Variants in BMPR1B observed in about 807,000 individuals in gnomAD.
The protein encoded by BMPR1B is bone morphogenetic protein receptor type 1B, also known as bone morphogenetic protein receptor type-1B.
BMPR1B carries 12 observed loss-of-function variants against 59.1 expected under a neutral mutation model. The ratio of observed to expected loss-of-function variants is 0.20; its 90% CI spans 0.13 to 0.33. BMPR1B has a LOEUF of 0.33. Among genes scored for constraint, BMPR1B ranks in the 10% least tolerant of loss-of-function variants. The pLI, the probability that BMPR1B is intolerant of heterozygous loss-of-function variation, is 1.00. For missense variants in BMPR1B, 550 were observed against 610.9 expected (o/e 0.90, Z 1.05); for synonymous variants, 237 against 207.3 (o/e 1.14, Z -1.23).
chr4:94,884,841 G>A (rs1175805816), intron 2 of BMPR1B, among the ~76,000 whole-genome samples: 3 of 152,206 alleles, frequency 2.0e-5, no homozygotes, highest in Non-Finnish European at 2.9e-5. Context: ...GCTCTTGAAT[G>A]TGGGCTGGTC....
chr4:94,830,466 G>A lies in BMPR1B; in HGVS notation c.-182-45365G>A, dbSNP rs76771007. ...TTGAATCACTGGTTTTCGTTAAGTG[G>A]CATCATAGATGAGATTTGATTCCAT... On this transcript the variant is annotated intron_variant, in intron 1 of 12. Transcript: ENST00000515059. Among the ~76,000 whole-genome samples, 369 of 152,130 alleles carry A rather than the reference G, an allele frequency of 2.4e-3. 5 individuals are homozygous for A. Among genetic ancestry groups the A allele is most frequent in the East Asian group, 0.019 (97 of 5,178 alleles).
At chr4:94,788,371 AT>A (rs1235730795) in intron 1 of BMPR1B, among the ~76,000 whole-genome samples, 1 of 152,040 alleles carries the variant, frequency 6.6e-6, no homozygotes, top group East Asian at 1.9e-4. Flanking sequence ...GGCCCAGGGG[AT>A]TCCCTGGGCT....
chr4:94,832,432 T>C (rs1033552175), intron 1 of BMPR1B, among the ~76,000 whole-genome samples: 8 of 152,204 alleles, frequency 5.3e-5, no homozygotes, highest in Non-Finnish European at 1.2e-4. Context: ...GGAAAGTTTA[T>C]TTGTACCATG....
intron 1 of BMPR1B, among the ~76,000 whole-genome samples, chr4:94,854,552 T>A (rs186058423): frequency 1.3e-5 from 2 of 152,334 alleles, no homozygotes; most frequent in Admixed American, 1.3e-4. Flanking sequence ...GAATTCAGTA[T>A]GTATTTAAAA....
Position 94,869,095 on chromosome 4 carries a change from AACACACACACACACACACACAC to A in BMPR1B, c.-182-6709_-182-6688del, listed in dbSNP as rs59407857. Reference sequence around the variant, plus strand: ...TTGTTTGAATTAAATTTTACTATCAAACACACACACACACACACACACACACACACACACACACACACACACA... The same window carrying A: ...TTGTTTGAATTAAATTTTACTATCAAACACACACACACACACACACACACA... On this transcript the variant is annotated intron_variant, in intron 1 of 12. Coordinates refer to ENST00000515059, the MANE Select transcript of BMPR1B (RefSeq NM_001203.3). 9.8e-3 allele frequency among the ~76,000 whole-genome samples: 1,411 copies of A among 144,644 alleles called. 19 individuals carry two copies. Among genetic ancestry groups the A allele is most frequent in the African/African-American group, 0.033 (1,291 of 39,224 alleles). The allele number at this position is 144,644 out of a possible 152,430, so 94.9% of individuals were successfully genotyped here. A position where few individuals can be genotyped will look rare whatever the true frequency, so the allele number is the denominator to read the frequency against.
At chr4:94,787,833 A>T (rs759611106) in intron 1 of BMPR1B, among the ~76,000 whole-genome samples, 17 of 152,070 alleles carry the variant, frequency 1.1e-4, no homozygotes, top group South Asian at 2.1e-4. Flanking sequence ...ATTTCCTTTG[A>T]CCAAGGGACC....
intron 8 of BMPR1B, among the ~76,000 whole-genome samples, chr4:95,129,274 AG>A (rs936267032): frequency 6.6e-6 from 1 of 152,102 alleles, no homozygotes; most frequent in African/African-American, 2.4e-5. Context: ...CTGGTTTTAA[AG>A]GAGTCAGAGT....
At chr4:94,999,196 T>G (rs1560587584) in intron 3 of BMPR1B, among the ~76,000 whole-genome samples, 1 of 152,128 alleles carries the variant, frequency 6.6e-6, no homozygotes, top group Non-Finnish European at 1.5e-5. Context: ...ATTTAATTCT[T>G]TTATGCTTCC....
intron 2 of BMPR1B, among the ~76,000 whole-genome samples, chr4:94,908,990 C>T (rs1330403133): frequency 5.3e-5 from 8 of 152,028 alleles, no homozygotes; most frequent in Admixed American, 2.6e-4. Context: ...GCCATACTCC[C>T]TCTAAAAGTG....
chr4:94,803,273 TG>T (rs887897271), intron 1 of BMPR1B, among the ~76,000 whole-genome samples: 1 of 152,298 alleles, frequency 6.6e-6, no homozygotes, highest in Non-Finnish European at 1.5e-5. Context: ...AGAAGCTTCC[TG>T]GCAAGATTTT....
chr4:94,968,275 T>G (rs1353184651), intron 2 of BMPR1B, among the ~76,000 whole-genome samples: 1 of 152,198 alleles, frequency 6.6e-6, no homozygotes, highest in Admixed American at 6.5e-5. Context: ...TCACTCTTTA[T>G]GGCAAGATCT....
chr4:94,769,927 T>A (rs961140492), intron 1 of BMPR1B, among the ~76,000 whole-genome samples: 1 of 152,212 alleles, frequency 6.6e-6, no homozygotes. Context: ...TTAGCTTCTT[T>A]TCTTCACTTC....
chr4:94,835,805 T>G (rs971500733), intron 1 of BMPR1B, among the ~76,000 whole-genome samples: 1 of 151,894 alleles, frequency 6.6e-6, no homozygotes, highest in Non-Finnish European at 1.5e-5. Context: ...CATGTGCACA[T>G]TGTGCAGGTT....
At position 95,123,901 on chromosome 4, in the gene BMPR1B, C is replaced by T. The variant is rs1732715099; in HGVS notation, c.441C>T (p.Tyr147=). ...TGGTCCTTATCATATTATTTTGTTACTTCCGGTAAGTTTCTAACATGTAGA... is the reference window on the plus strand; with the variant it reads ...TGGTCCTTATCATATTATTTTGTTATTTCCGGTAAGTTTCTAACATGTAGA... The part of the protein sequence containing the change: ...LLLVLIILFC[Y]FRYKRQETRP... Residue 147 remains tyrosine (Y), a synonymous_variant, in exon 7 of 13, where the codon TAC becomes TAT. Transcript: ENST00000515059. 1 of 1,607,444 alleles carries T rather than the reference C, an allele frequency of 6.2e-7. No individual in the cohort carries two copies. Among genetic ancestry groups the T allele is most frequent in the Non-Finnish European group, 8.5e-7 (1 of 1,175,546 alleles).
chr4:94,856,362 T>C lies in BMPR1B; in HGVS notation c.-182-19469T>C, dbSNP rs147726015. ...TCCATATGTCTCTATTCTCTTCTTA[T>C]GTCTTTCTCCAGCCAGCTAGCAGCG... On this transcript the variant is annotated intron_variant, in intron 1 of 12. Coordinates refer to ENST00000515059, the MANE Select transcript of BMPR1B (RefSeq NM_001203.3). 4.3e-3 allele frequency among the ~76,000 whole-genome samples: 653 copies of C among 152,250 alleles called. 6 individuals carry two copies. The highest frequency in any genetic ancestry group is 0.015 in the African/African-American group (624 of 41,544).
chr4:94,908,234 G>T (rs1022037516), intron 2 of BMPR1B, among the ~76,000 whole-genome samples: 1 of 151,708 alleles, frequency 6.6e-6, no homozygotes, highest in Non-Finnish European at 1.5e-5. Context: ...TAGAAGGTTC[G>T]ATAGTATGTC....
At chr4:94,840,251 C>G (rs1725002647) in intron 1 of BMPR1B, among the ~76,000 whole-genome samples, 2 of 147,690 alleles carry the variant, frequency 1.4e-5, no homozygotes, top group Non-Finnish European at 1.5e-5. Context: ...TGGAGTTGCT[C>G]TTCTCGAGGA....
At chr4:94,961,229 C>T (rs1409886586) in intron 2 of BMPR1B, among the ~76,000 whole-genome samples, 1 of 152,162 alleles carries the variant, frequency 6.6e-6, no homozygotes, top group Non-Finnish European at 1.5e-5. Flanking sequence ...CAGGCCAAAT[C>T]TAGCCCACCA....
chr4:94,909,598 G>A (rs1159927070), intron 2 of BMPR1B, among the ~76,000 whole-genome samples: 3 of 152,062 alleles, frequency 2.0e-5, no homozygotes, highest in African/African-American at 7.2e-5. Flanking sequence ...GTCATAGTCG[G>A]TCTTCTTGCT....
Sources: gnomAD v4.1 joint callset for allele counts (sites outside exome capture counted in the v4.1 genomes callset) on GRCh38, gnomAD v4.1.1 for gene constraint, MANE v1.5 for transcripts, NCBI Gene and HGNC (gene_info 2026-07-23, HGNC 2026-07-21) for gene names.